Variants in NFIB observed in about 807,000 individuals in gnomAD.
NFIB encodes the protein nuclear factor 1 B-type.
NFIB carries 11 observed loss-of-function variants against 61.5 expected under a neutral mutation model. That is an observed-to-expected ratio of 0.18 (90% CI 0.11 to 0.30). The LOEUF is 0.30. NFIB is among the 10% of genes least tolerant of loss of function. NFIB has a pLI of 1.00. For synonymous variants in NFIB, 260 were observed against 216.5 expected, an observed-to-expected ratio of 1.20 and a Z score of -1.76; for missense variants, 471 against 608.9, an observed-to-expected ratio of 0.77 and a Z score of 2.38.
intron 1 of NFIB, among the ~76,000 whole-genome samples, chr9:14,363,978 T>C (rs2061271229): frequency 6.6e-6 from 1 of 152,200 alleles, no homozygotes; most frequent in South Asian, 2.1e-4. Context: ...TTGAGTTCTT[T>C]CCAGTTTTTC....
chr9:14,120,279 C>T lies in NFIB; in HGVS notation c.1245+161G>A, dbSNP rs2038751823. Among the ~76,000 whole-genome samples, 2 of 152,184 alleles carry T rather than the reference C, an allele frequency of 1.3e-5. No homozygotes were observed. Among genetic ancestry groups the T allele is most frequent in the African/African-American group, 4.8e-5 (2 of 41,438 alleles). The stretch of plus-strand genomic sequence containing the variant: ...ACACTTCCTACCTGTCATTCAGCCA[C>T]CTTTAAATAAAAACTTATTGAGTCA... On this transcript the variant is annotated intron_variant, in intron 8 of 10. Coordinates refer to ENST00000380953, the MANE Select transcript of NFIB (RefSeq NM_001190737.2). This position sits in a 1 kb window ranked among gnomAD's most constrained non-coding sequence, Gnocchi z 4.4.
chr9:14,404,830 T>C, the NFIB span, among the ~76,000 whole-genome samples: 1 of 152,288 alleles, frequency 6.6e-6, no homozygotes, highest in Non-Finnish European at 1.5e-5. Flanking sequence ...GACAGTATCT[T>C]GTTTGGATGC....
chr9:14,251,351 A>C (rs371929874), intron 2 of NFIB, among the ~76,000 whole-genome samples: 17 of 152,330 alleles, frequency 1.1e-4, no homozygotes, highest in South Asian at 4.1e-4. Flanking sequence ...CTAATGGCAG[A>C]CTGCCCATCA....
At chr9:14,266,260 C>T (rs1349681742) in intron 2 of NFIB, among the ~76,000 whole-genome samples, 2 of 152,114 alleles carry the variant, frequency 1.3e-5, no homozygotes, top group South Asian at 4.1e-4. Context: ...TGACTACTAG[C>T]TATTGCAGCA....
intron 2 of NFIB, among the ~76,000 whole-genome samples, chr9:14,303,026 G>A (rs1333965216): frequency 2.6e-5 from 4 of 152,176 alleles, no homozygotes; most frequent in East Asian, 1.9e-4. Context: ...GTGCAGAATC[G>A]AGAAATTCCA....
In NFIB at chr9:14,220,032, T is replaced by C. The variant is rs115132751; in HGVS notation, c.563-40252A>G. Among the ~76,000 whole-genome samples, 1,447 of 152,288 alleles carry C rather than the reference T, an allele frequency of 9.5e-3. 30 individuals carry two copies. Among genetic ancestry groups the C allele is most frequent in the African/African-American group, 0.032 (1,350 of 41,558 alleles). On this transcript the variant is annotated intron_variant, in intron 2 of 10. Transcript: ENST00000380953. Reference sequence around the variant, plus strand: ...CATCAAAGCAACAGGCCCTCGTCCCTGGTAAACTGTAATCTAGGCGTACTA... The same window carrying C: ...CATCAAAGCAACAGGCCCTCGTCCCCGGTAAACTGTAATCTAGGCGTACTA...
the NFIB span, among the ~76,000 whole-genome samples, chr9:14,427,959 T>G: frequency 7.8e-6 from 1 of 128,788 alleles, no homozygotes; most frequent in Non-Finnish European, 1.6e-5. Context: ...TTTTTTTTTT[T>G]TTTTTGGCAG....
the NFIB span, among the ~76,000 whole-genome samples, chr9:14,468,361 C>A: frequency 6.6e-6 from 1 of 152,204 alleles, no homozygotes; most frequent in African/African-American, 2.4e-5. Context: ...ATGATATGAT[C>A]TAAGGCATTC....
At chr9:14,209,726 T>C (rs572620564) in intron 2 of NFIB, among the ~76,000 whole-genome samples, 39 of 152,196 alleles carry the variant, frequency 2.6e-4, no homozygotes, top group Admixed American at 6.5e-4. Context: ...GAAAAGCTAA[T>C]TTACTTAAAA....
the NFIB span, among the ~76,000 whole-genome samples, chr9:14,417,610 A>C: frequency 2.4e-4 from 37 of 152,246 alleles, no homozygotes; most frequent in African/African-American, 6.7e-4. Context: ...AAGATATTGA[A>C]GTTTCTTTGC....
chr9:14,282,203 TAA>T (rs1407678522), intron 2 of NFIB, among the ~76,000 whole-genome samples: 8 of 152,206 alleles, frequency 5.3e-5, no homozygotes, highest in Non-Finnish European at 1.2e-4. Flanking sequence ...ATTTTTTCAG[TAA>T]CCATTCAACT....
At chr9:14,497,886 G>T in the NFIB span, among the ~76,000 whole-genome samples, 1 of 152,190 alleles carries the variant, frequency 6.6e-6, no homozygotes, top group Non-Finnish European at 1.5e-5. Flanking sequence ...CTAACGGGAA[G>T]CCTCAAGATG....
intron 2 of NFIB, among the ~76,000 whole-genome samples, chr9:14,264,492 C>G (rs1228904313): frequency 6.6e-6 from 1 of 152,138 alleles, no homozygotes. Flanking sequence ...CATTTAAGAG[C>G]ATTTAGGTGA....
intron 1 of NFIB, among the ~76,000 whole-genome samples, chr9:14,330,703 A>T (rs1008405601): frequency 7.9e-5 from 12 of 152,118 alleles, no homozygotes; most frequent in Non-Finnish European, 1.2e-4. Flanking sequence ...TCCCAAATGG[A>T]GGTAGACCTG....
Position 14,313,536 on chromosome 9 carries a change from C to A in NFIB, c.-25G>T. 6.2e-7 allele frequency: 1 copy of A among 1,613,352 alleles called. No homozygotes were observed. The highest frequency in any genetic ancestry group is 8.5e-7 in the Non-Finnish European group (1 of 1,179,680). On this transcript the variant is annotated 5_prime_UTR_variant, in exon 1 of 11. Coordinates refer to ENST00000380953, the MANE Select transcript of NFIB (RefSeq NM_001190737.2). The surrounding 1 kb of genome is among the most constrained non-coding windows in gnomAD (Gnocchi z 4.5). The stretch of plus-strand genomic sequence containing the variant: ...TGACTTCGCCTTAAAACGCACTTTC[C>A]GGGAGATGCCCAAGAAAATCTTCGA...
upstream of NFIB, among the ~76,000 whole-genome samples, chr9:14,315,188 A>G (rs1346089443): frequency 6.6e-6 from 1 of 151,228 alleles, no homozygotes; most frequent in Non-Finnish European, 1.5e-5. Context: ...CCCCGCCCGG[A>G]GCCCGGGTTC....
At chr9:14,492,256 G>A in the NFIB span, among the ~76,000 whole-genome samples, 2 of 151,868 alleles carry the variant, frequency 1.3e-5, no homozygotes, top group South Asian at 2.1e-4. Flanking sequence ...CCAGCTACTC[G>A]GGAGGCTGAG....
the NFIB span, among the ~76,000 whole-genome samples, chr9:14,501,208 T>A: frequency 6.6e-6 from 1 of 152,208 alleles, no homozygotes. Context: ...TTTGTCTAAA[T>A]GTGGTTCTTT....
At chr9:14,530,947 G>A in the NFIB span, among the ~76,000 whole-genome samples, 1 of 152,218 alleles carries the variant, frequency 6.6e-6, no homozygotes, top group East Asian at 1.9e-4. Flanking sequence ...GAAAGTAAAT[G>A]TTCAGATGAA....
Sources: allele counts gnomAD v4.1 joint callset (sites outside exome capture counted in the v4.1 genomes callset), GRCh38; gene constraint gnomAD v4.1.1; non-coding constraint Gnocchi (gnomAD v3.1); transcripts MANE v1.5; gene names NCBI Gene and HGNC (gene_info 2026-07-23, HGNC 2026-07-21).